Variants in ADCY3 observed in about 807,000 individuals in gnomAD.
The protein encoded by ADCY3 is adenylate cyclase 3, also known as adenylate cyclase type 3.
A neutral mutation model predicts 119.4 loss-of-function variants in ADCY3; 70 were observed. The ratio of observed to expected loss-of-function variants is 0.59; its 90% CI spans 0.48 to 0.72. The LOEUF (loss-of-function observed/expected upper bound fraction) is 0.72, where lower values mean the gene tolerates loss of function less well. Among genes scored for constraint, ADCY3 ranks in the 30% least tolerant of loss-of-function variants. The probability of loss-of-function intolerance (pLI) is 0.00; values close to 1 mark genes in which losing one functional copy is unlikely to be tolerated. For synonymous variants in ADCY3, 672 were observed against 621.4 expected (o/e 1.08, Z -1.21); for missense variants, 1,238 against 1,541.6 (o/e 0.80, Z 3.30).
intron 11 of ADCY3, among the ~76,000 whole-genome samples, chr2:24,833,845 C>A (rs1669932103): frequency 6.6e-6 from 1 of 152,258 alleles, no homozygotes; most frequent in Non-Finnish European, 1.5e-5. Context: ...GGTCACACAC[C>A]CGCAACCTTA....
chr2:24,821,428 T>C, intron 20 of ADCY3, 89 bp downstream of exon 20: 6 of 1,553,888 alleles, frequency 3.9e-6, no homozygotes, highest in Non-Finnish European at 5.2e-6. Context: ...GCCTCAGTTG[T>C]CCTGAGCCTC....
chr2:24,878,504 C>A lies in ADCY3; in HGVS notation c.676-5785G>T, dbSNP rs1013283305. 7.2e-5 allele frequency among the ~76,000 whole-genome samples: 11 copies of A among 152,234 alleles called. No individual in the cohort carries two copies. The highest frequency in any genetic ancestry group is 1.0e-4 in the Non-Finnish European group (7 of 68,042). ...GGAGAAGAAGCTGAGCAAGAGAAAG[C>A]TGCTCAGGGTGCAGTGTCCGTGTCG... On this transcript the variant is annotated intron_variant, in intron 2 of 21. Coordinates refer to ENST00000679454, the MANE Select transcript of ADCY3 (RefSeq NM_004036.5). This position sits in a 1 kb window ranked among gnomAD's most constrained non-coding sequence, Gnocchi z 4.0.
rs1664870023 is a variant in ADCY3, at chr2:24,919,593, C to T, written c.-198+90G>A. On this transcript the variant is annotated intron_variant, in intron 1 of 21. Transcript: ENST00000679454. The surrounding 1 kb of genome is among the most constrained non-coding windows in gnomAD (Gnocchi z 5.5). Reference sequence around the variant, plus strand: ...TGTTTACTTCCTTTTTCCACCAAACCCTTGGAGGCTCGGGCTCCGATCCGG... The same window carrying T: ...TGTTTACTTCCTTTTTCCACCAAACTCTTGGAGGCTCGGGCTCCGATCCGG... 6.6e-6 allele frequency: 1 copy of T among 152,526 alleles called. No individual in the cohort carries two copies. Among genetic ancestry groups the T allele is most frequent in the Non-Finnish European group, 1.5e-5 (1 of 68,302 alleles). 9.4% of individuals were successfully genotyped at this position (152,526 alleles called of 1,614,324 possible).
Position 24,834,711 on chromosome 2 carries a change from G to T in ADCY3, c.1806-65C>A. On this transcript the variant is annotated intron_variant, in intron 10 of 21. Transcript: ENST00000679454. The surrounding 1 kb of genome is among the most constrained non-coding windows in gnomAD (Gnocchi z 4.2). ...TCTGCCTTGGCCTAGCAGGGGGGCC[G>T]TATTTGGGATGCTCAGTTTCCTGAA... 6.2e-7 allele frequency: 1 copy of T among 1,602,302 alleles called. No individual in the cohort carries two copies. Among genetic ancestry groups the T allele is most frequent in the Non-Finnish European group, 8.5e-7 (1 of 1,170,862 alleles).
At chr2:24,821,445 C>T in intron 20 of ADCY3, 72 bp downstream of exon 20, 2 of 1,585,474 alleles carry the variant, frequency 1.3e-6, no homozygotes, top group South Asian at 1.1e-5. Flanking sequence ...CCTCATGTCT[C>T]TCCTGGTGGT....
chr2:24,838,388 A>G, intron 8 of ADCY3, 57 bp downstream of exon 8: 1 of 1,317,692 alleles, frequency 7.6e-7, no homozygotes, highest in African/African-American at 2.1e-5. Context: ...CTCCTTTCCA[A>G]CCCCCTAATC....
chr2:24,841,340 C>G lies in ADCY3; in HGVS notation c.1115G>C (p.Cys372Ser). 6.2e-7 allele frequency: 1 copy of G among 1,602,430 alleles called. No individual in the cohort carries two copies. Among genetic ancestry groups the G allele is most frequent in the Non-Finnish European group, 8.5e-7 (1 of 1,174,894 alleles). The change falls in exon 6 of 22, where the codon TGC becomes TCC. Residue 372 changes from cysteine to serine, a missense_variant. Around this residue, in one of 7 missense-constraint regions of ADCY3, gnomAD observed 283 missense variants for 437.2 expected, o/e 0.65. Coordinates refer to ENST00000679454, the MANE Select transcript of ADCY3 (RefSeq NM_004036.5). This position sits in a 1 kb window ranked among gnomAD's most constrained non-coding sequence, Gnocchi z 5.8. Reference protein sequence around the residue: ...RIKILGDCYYCICGLPDYRED... With the variant: ...RIKILGDCYYSICGLPDYRED... Reference sequence around the variant, plus strand: ...CCGGTAGTCGGGCAAGCCGCAGATGCAGTAGTAGCAGTCGCCCAGGATCTT... The same window carrying G: ...CCGGTAGTCGGGCAAGCCGCAGATGGAGTAGTAGCAGTCGCCCAGGATCTT...
At chr2:24,821,096 AAC>A (rs1216358135) in intron 20 of ADCY3, 4 of 515,416 alleles carry the variant, frequency 7.8e-6, no homozygotes, top group East Asian at 3.6e-5. Context: ...GCCAGCTTCT[AAC>A]ACAGCTGGTA....
At position 24,919,350 on chromosome 2, in the gene ADCY3, G is replaced by A. The variant is rs1664842319; in HGVS notation, c.-197-166C>T. ...CCACCGCCCACCGCAGGCACACTTAGTCCTGTCCACGCCAGACACTCAATT... is the reference window on the plus strand; with the variant it reads ...CCACCGCCCACCGCAGGCACACTTAATCCTGTCCACGCCAGACACTCAATT... On this transcript the variant is annotated intron_variant, in intron 1 of 21. Transcript: ENST00000679454. The surrounding 1 kb of genome is among the most constrained non-coding windows in gnomAD (Gnocchi z 5.5). 4.2e-6 allele frequency: 1 copy of A among 240,126 alleles called. No individual in the cohort carries two copies. The highest frequency in any genetic ancestry group is 2.3e-5 in the African/African-American group (1 of 44,312). The allele number at this position is 240,126 out of a possible 1,614,324, so 14.9% of individuals were successfully genotyped here.
chr2:24,884,991 C>T (rs916317281), intron 2 of ADCY3, among the ~76,000 whole-genome samples: 6 of 152,162 alleles, frequency 3.9e-5, no homozygotes, highest in Non-Finnish European at 7.4e-5. Context: ...TCCAATTTTC[C>T]TTCTTCTTGT....
intron 17 of ADCY3, among the ~76,000 whole-genome samples, chr2:24,823,690 CTTTTT>C (rs11308691): frequency 2.3e-5 from 3 of 132,640 alleles, no homozygotes; most frequent in African/African-American, 2.8e-5. Flanking sequence ...CTCATCGCTA[CTTTTT>C]TTTTTTTTTT....
intron 3 of ADCY3, among the ~76,000 whole-genome samples, chr2:24,866,851 T>A: frequency 6.6e-6 from 1 of 152,066 alleles, no homozygotes; most frequent in Non-Finnish European, 1.5e-5. Context: ...GAAGACAGGA[T>A]TAGTAAACTG....
At chr2:24,831,059 C>T (rs1474372356) in intron 12 of ADCY3, among the ~76,000 whole-genome samples, 1 of 152,090 alleles carries the variant, frequency 6.6e-6, no homozygotes, top group Admixed American at 6.5e-5. Context: ...GCCTCCAGGT[C>T]GCAGCCCTTT....
chr2:24,835,325 G>C (rs1294644983), intron 9 of ADCY3, among the ~76,000 whole-genome samples: 2 of 152,194 alleles, frequency 1.3e-5, no homozygotes, highest in East Asian at 3.9e-4. Context: ...TTGGCAGCCT[G>C]GGGACATGAA....
intron 2 of ADCY3, among the ~76,000 whole-genome samples, chr2:24,908,819 A>C (rs1442991593): frequency 6.6e-6 from 1 of 152,216 alleles, no homozygotes; most frequent in South Asian, 2.1e-4. Flanking sequence ...CGATCTACCC[A>C]GCACAGGCTA....
At chr2:24,838,356 T>G (rs1670555274) in intron 8 of ADCY3, 89 bp downstream of exon 8, 1 of 1,337,302 alleles carries the variant, frequency 7.5e-7, no homozygotes, top group South Asian at 1.4e-5. Context: ...TGCCACCTCT[T>G]CTGCAATCTT....
At chr2:24,897,293 CTCTT>C (rs771633646) in intron 2 of ADCY3, among the ~76,000 whole-genome samples, 8 of 151,876 alleles carry the variant, frequency 5.3e-5, no homozygotes, top group African/African-American at 1.7e-4. Context: ...TCTTCTCTCT[CTCTT>C]TGTCTCTCTC....
chr2:24,888,158 CG>C, intron 2 of ADCY3, among the ~76,000 whole-genome samples: 1 of 152,210 alleles, frequency 6.6e-6, no homozygotes, highest in Non-Finnish European at 1.5e-5. Context: ...CAAACACATT[CG>C]GAACATCAAA....
intron 3 of ADCY3, among the ~76,000 whole-genome samples, chr2:24,871,551 C>T (rs1216629996): frequency 3.9e-5 from 6 of 152,318 alleles, no homozygotes; most frequent in East Asian, 3.9e-4. Context: ...TGAGGCCCGA[C>T]GGTGGGGCTC....
Sources: gnomAD v4.1 joint callset for allele counts (sites outside exome capture counted in the v4.1 genomes callset) on GRCh38, gnomAD v4.1.1 for gene constraint, gnomAD v4.1.1 regional missense constraint, Gnocchi (gnomAD v3.1) non-coding constraint, MANE v1.5 for transcripts, NCBI Gene and HGNC (gene_info 2026-07-23, HGNC 2026-07-21) for gene names.